Variants in TRAM2 observed in about 807,000 individuals in gnomAD.
The protein encoded by TRAM2 is translocation associated membrane protein 2, also known as translocating chain-associated membrane protein 2.
Under a neutral mutation model 51.0 loss-of-function variants are expected in TRAM2, and 12 were observed. The ratio of observed to expected loss-of-function variants is 0.24; its 90% confidence interval spans 0.15 to 0.38. The LOEUF (loss-of-function observed/expected upper bound fraction) is 0.38, where lower values mean the gene tolerates loss of function less well. TRAM2 is among the 10% of genes least tolerant of loss of function. The probability of loss-of-function intolerance (pLI) is 1.00; values close to 1 mark genes in which losing one functional copy is unlikely to be tolerated. For synonymous variants in TRAM2, 175 were observed against 179.4 expected, an observed-to-expected ratio of 0.98 and a Z score of 0.20; for missense variants, 361 against 462.0, an observed-to-expected ratio of 0.78 and a Z score of 2.00.
At chr6:52,513,292 C>T (rs1766485822) in intron 4 of TRAM2, among the ~76,000 whole-genome samples, 1 of 152,116 alleles carries the variant, frequency 6.6e-6, no homozygotes, top group Non-Finnish European at 1.5e-5. Context: ...ATTAAAACAA[C>T]CAATTCATTA....
chr6:52,535,714 G>T, intron 2 of TRAM2, 69 bp downstream of exon 2: 1 of 1,432,090 alleles, frequency 7.0e-7, no homozygotes, highest in Non-Finnish European at 9.7e-7. Context: ...CACAGATGGG[G>T]AAAAGGAAGC....
intron 2 of TRAM2, among the ~76,000 whole-genome samples, chr6:52,520,374 A>G (rs2114074085): frequency 2.0e-5 from 3 of 152,204 alleles, no homozygotes; most frequent in Admixed American, 2.0e-4. Context: ...CCACAGGGAG[A>G]ATGGGTTAGA....
intron 1 of TRAM2, among the ~76,000 whole-genome samples, chr6:52,564,689 A>G (rs893294081): frequency 1.3e-5 from 2 of 150,954 alleles, no homozygotes; most frequent in East Asian, 2.0e-4. Context: ...TCTCAACTCA[A>G]TGGAAGCAGA....
chr6:52,554,730 A>G (rs1229382716), intron 1 of TRAM2, among the ~76,000 whole-genome samples: 2 of 151,244 alleles, frequency 1.3e-5, no homozygotes, highest in Middle Eastern at 3.2e-3. Flanking sequence ...GTTAATGTCT[A>G]GAAGTAAGAA....
At chr6:52,532,837 CA>C (rs1766915617) in intron 2 of TRAM2, among the ~76,000 whole-genome samples, 1 of 152,052 alleles carries the variant, frequency 6.6e-6, no homozygotes, top group Non-Finnish European at 1.5e-5. Context: ...ATCAATATTC[CA>C]AAACGTTCTA....
intron 1 of TRAM2, among the ~76,000 whole-genome samples, chr6:52,558,411 T>C (rs1164019952): frequency 6.6e-6 from 1 of 152,184 alleles, no homozygotes; most frequent in Non-Finnish European, 1.5e-5. Context: ...GCAGGGAGTG[T>C]ATCTTGATAA....
chr6:52,508,246 C>G lies in TRAM2; in HGVS notation c.543G>C (p.Gln181His). Residue 181 changes from glutamine (Q) to histidine (H), a missense_variant, in exon 6 of 11, where the codon CAG (glutamine) becomes CAC (histidine). Gln to His is a conservative substitution (Grantham distance 24). Transcript: ENST00000182527. Reference sequence around the variant, plus strand: ...AGTGAGCACTCACCTTCCGTACCTTCTGGAAGTATAGCTCAGGAAGTGCGT... The same window carrying G: ...AGTGAGCACTCACCTTCCGTACCTTGTGGAAGTATAGCTCAGGAAGTGCGT... ...WLHALPELYF[Q>H]KVRKEEIPRQ... 4 of 1,614,078 alleles carry G rather than the reference C, an allele frequency of 2.5e-6. No individual in the cohort carries two copies. Among genetic ancestry groups the G allele is most frequent in the Non-Finnish European group, 3.4e-6 (4 of 1,180,012 alleles).
intron 7 of TRAM2, among the ~76,000 whole-genome samples, chr6:52,506,753 C>T (rs75291756): frequency 0.021 from 3,130 of 152,300 alleles, 103 homozygotes; most frequent in African/African-American, 0.069. Context: ...CGGGAACTGA[C>T]GCTGCTACAG....
intron 10 of TRAM2, among the ~76,000 whole-genome samples, chr6:52,503,537 G>C (rs1387840560): frequency 6.6e-6 from 1 of 152,150 alleles, no homozygotes; most frequent in Admixed American, 6.5e-5. Context: ...GAGGGGCCTG[G>C]GATGACACAC....
At chr6:52,528,992 G>A (rs1473501387) in intron 2 of TRAM2, among the ~76,000 whole-genome samples, 1 of 151,222 alleles carries the variant, frequency 6.6e-6, no homozygotes, top group Non-Finnish European at 1.5e-5. Context: ...CTGGGTTCAA[G>A]TGATTCTCCT....
chr6:52,576,788 G>T lies in TRAM2; in HGVS notation c.120+8C>A. ...GTCCCTCCAGCTCCCTCCTCCCCAG[G>T]CTCTCACCTCGAACATAAGCCCGAT... is the stretch of plus-strand genomic sequence containing the variant. On this transcript the variant is annotated splice_region_variant and intron_variant, in intron 1 of 10. Transcript: ENST00000182527. The T allele has an allele frequency of 6.2e-7, 1 of 1,611,892 alleles. No homozygotes were observed. Among genetic ancestry groups the T allele is most frequent in the African/African-American group, 1.3e-5 (1 of 74,958 alleles).
In TRAM2 at chr6:52,508,468, C is replaced by T. The variant is rs1489034238; in HGVS notation, c.471-150G>A. ...GGGAGTTAGGCCAGTGACCGCCGCA[C>T]CCTGAGCCTGGGACCCTGGCTTCTC... is the stretch of plus-strand genomic sequence containing the variant. On this transcript the variant is annotated intron_variant, in intron 5 of 10. Coordinates refer to ENST00000182527, the MANE Select transcript of TRAM2 (RefSeq NM_012288.4). The T allele has an allele frequency of 7.0e-6, 5 of 717,740 alleles. No individual in the cohort carries two copies. The African/African-American group carries it at 8.9e-5, about 13-fold the overall frequency. The allele number at this position is 717,740 out of a possible 1,614,324, so 44.5% of individuals were successfully genotyped here. A position where few individuals can be genotyped will look rare whatever the true frequency, so the allele number is the denominator to read the frequency against.
chr6:52,509,561 C>T lies in TRAM2; in HGVS notation c.437G>A (p.Ser146Asn). Residue 146 changes from serine (S) to asparagine (N), a missense_variant, in exon 5 of 11, where the codon AGC (serine) becomes AAC (asparagine). Physicochemically the swap from Ser to Asn is conservative, Grantham distance 46. Transcript: ENST00000182527. ...VTEGYLTNPRSLWEDYPHVHL... is the reference protein window; with the variant it reads ...VTEGYLTNPRNLWEDYPHVHL... ...CACATGCGGGTAGTCTTCCCAGAGG[C>T]TTCTTGGGTTTGTTAAGTATCCTTC... 2 of 1,614,050 alleles carry T rather than the reference C, an allele frequency of 1.2e-6. No individual in the cohort carries two copies. The highest frequency in any genetic ancestry group is 1.7e-6 in the Non-Finnish European group (2 of 1,179,986).
chr6:52,535,753 CAGG>C, intron 2 of TRAM2, 27 bp downstream of exon 2: 1 of 1,596,892 alleles, frequency 6.3e-7, no homozygotes, highest in Non-Finnish European at 8.6e-7. Flanking sequence ...TTAACAGGGC[CAGG>C]AGAAGATGGA....
Position 52,502,911 on chromosome 6 carries a change from C to T in TRAM2, c.*286G>A, listed in dbSNP as rs1006463136. The T allele has an allele frequency of 9.3e-6, 4 of 430,040 alleles. No homozygotes were observed. The highest frequency in any genetic ancestry group is 4.4e-5 in the South Asian group (1 of 22,828). 26.6% of individuals were successfully genotyped at this position (430,040 alleles called of 1,614,324 possible). On this transcript the variant is annotated 3_prime_UTR_variant, in exon 11 of 11. Transcript: ENST00000182527. Reference sequence around the variant, plus strand: ...CAAGCAGAAAGGTGCCAGCCATGGGCGCCTGGCGTTCCAGAAAAGCCAGCA... The same window carrying T: ...CAAGCAGAAAGGTGCCAGCCATGGGTGCCTGGCGTTCCAGAAAAGCCAGCA...
chr6:52,576,112 T>G (rs551406198), intron 1 of TRAM2, among the ~76,000 whole-genome samples: 1 of 152,120 alleles, frequency 6.6e-6, no homozygotes, highest in African/African-American at 2.4e-5. Context: ...TTCTTGTCTC[T>G]GTAAAGGGGG....
chr6:52,516,997 G>C, intron 2 of TRAM2: 2 of 455,754 alleles, frequency 4.4e-6, no homozygotes, highest in African/African-American at 4.0e-5. Context: ...CTGTGCAGCA[G>C]AGCACAGTGG....
At chr6:52,570,468 G>A (rs1767657366) in intron 1 of TRAM2, among the ~76,000 whole-genome samples, 2 of 152,200 alleles carry the variant, frequency 1.3e-5, no homozygotes, top group African/African-American at 2.4e-5. Context: ...CATTGGGGCT[G>A]AGCTCTAAAT....
chr6:52,504,467 C>A (rs1416681895), intron 10 of TRAM2, 124 bp downstream of exon 10: 6 of 1,499,132 alleles, frequency 4.0e-6, no homozygotes, highest in Non-Finnish European at 4.4e-6. Flanking sequence ...AGGTAAGAGT[C>A]AGGAAGGAGA....
Sources: allele counts gnomAD v4.1 joint callset (sites outside exome capture counted in the v4.1 genomes callset), GRCh38; gene constraint gnomAD v4.1.1; transcripts MANE v1.5; gene names NCBI Gene and HGNC (gene_info 2026-07-23, HGNC 2026-07-21).